HPSE2: variants seen among roughly 807,000 people sequenced by gnomAD.
HPSE2 encodes inactive heparanase-2.
In HPSE2, 38 loss-of-function variants were observed where a neutral mutation model predicts 60.5. The ratio of observed to expected loss-of-function variants is 0.63; its 90% CI spans 0.48 to 0.82. The LOEUF is 0.82. Among genes scored for constraint, HPSE2 ranks in the 40% least tolerant of loss-of-function variants. The pLI is 0.00. For missense variants in HPSE2, 713 were observed against 740.4 expected (o/e 0.96, Z 0.43); for synonymous variants, 295 against 293.2 (o/e 1.01, Z -0.06).
the HPSE2 span, among the ~76,000 whole-genome samples, chr10:99,242,063 A>T: frequency 6.6e-6 from 1 of 152,178 alleles, no homozygotes; most frequent in Admixed American, 6.5e-5. Flanking sequence ...TTGATTTTCT[A>T]CTAGGAAAGG....
chr10:98,725,650 A>G (rs986695434), intron 4 of HPSE2, among the ~76,000 whole-genome samples: 6 of 152,306 alleles, frequency 3.9e-5, no homozygotes, highest in Non-Finnish European at 7.3e-5. Flanking sequence ...GGATCTAATT[A>G]AACTAAAGAG....
intron 8 of HPSE2, among the ~76,000 whole-genome samples, chr10:98,619,784 C>T (rs1946022183): frequency 6.6e-6 from 1 of 152,218 alleles, no homozygotes; most frequent in African/African-American, 2.4e-5. Flanking sequence ...CACTCAAATG[C>T]CACTTCCTCC....
At chr10:98,899,470 G>A (rs1232321783) in intron 3 of HPSE2, among the ~76,000 whole-genome samples, 1 of 151,938 alleles carries the variant, frequency 6.6e-6, no homozygotes, top group Non-Finnish European at 1.5e-5. Context: ...TCAATAATAT[G>A]AAAACAAACA....
Position 98,620,679 on chromosome 10 carries a change from C to T in HPSE2, c.1128G>A (p.Lys376=). The stretch of plus-strand genomic sequence containing the variant: ...TGGTCACCACACCTTCAAGCCAAAT[C>T]TTCTTTCCTGGAGTGTATGTATTAA... ...KVVNTYTPGK[K]IWLEGVVTTS... The change falls in exon 8 of 12, where the codon AAG becomes AAA. Residue 376 remains lysine (K), a synonymous_variant. Transcript: ENST00000370552. 1 of 1,614,012 alleles carries T rather than the reference C, an allele frequency of 6.2e-7. No homozygotes were observed. Among genetic ancestry groups the T allele is most frequent in the Non-Finnish European group, 8.5e-7 (1 of 1,179,900 alleles).
At position 98,553,873 on chromosome 10, in the gene HPSE2, T is replaced by TGGAC. The variant is rs140595032; in HGVS notation, c.1320+61027_1320+61030dup. Among the ~76,000 whole-genome samples, 258 of 152,328 alleles carry TGGAC rather than the reference T, an allele frequency of 1.7e-3. 1 individual carries two copies. Among genetic ancestry groups the TGGAC allele is most frequent in the African/African-American group, 6.0e-3 (251 of 41,570 alleles). On this transcript the variant is annotated intron_variant, in intron 9 of 11. Transcript: ENST00000370552. ...CTCAGTGGAATTTCTCATCTTCAGG[T>TGGAC]GGACAGCCACATGTGTCTGTGTCCA...
chr10:99,014,748 C>A (rs1957097571), intron 3 of HPSE2, among the ~76,000 whole-genome samples: 1 of 152,098 alleles, frequency 6.6e-6, no homozygotes, highest in Admixed American at 6.6e-5. Flanking sequence ...TGTATGTCTT[C>A]TTTTAAACAT....
chr10:99,051,373 C>T (rs1957988180), intron 3 of HPSE2, among the ~76,000 whole-genome samples: 1 of 151,968 alleles, frequency 6.6e-6, no homozygotes, highest in Non-Finnish European at 1.5e-5. Flanking sequence ...TGATTTAGCA[C>T]ATAAACAAAA....
intron 3 of HPSE2, among the ~76,000 whole-genome samples, chr10:99,095,492 T>C (rs1843689899): frequency 6.6e-6 from 1 of 152,158 alleles, no homozygotes; most frequent in African/African-American, 2.4e-5. Context: ...CATCACCACA[T>C]TCAATTTTAG....
chr10:98,858,559 T>C (rs1003921068), intron 3 of HPSE2, among the ~76,000 whole-genome samples: 8 of 152,196 alleles, frequency 5.3e-5, no homozygotes, highest in African/African-American at 1.7e-4. Context: ...TGGGCCTGTA[T>C]ATGAGGCTAA....
intron 3 of HPSE2, among the ~76,000 whole-genome samples, chr10:99,042,933 C>T (rs552255870): frequency 1.3e-5 from 2 of 152,242 alleles, no homozygotes; most frequent in East Asian, 1.9e-4. Flanking sequence ...CCAAACAACA[C>T]CACCAAAAAT....
chr10:98,527,482 C>T (rs994518864), intron 9 of HPSE2, among the ~76,000 whole-genome samples: 4 of 152,150 alleles, frequency 2.6e-5, no homozygotes, highest in South Asian at 4.1e-4. Flanking sequence ...AAGGCCCCTG[C>T]GCAAGACGGT....
chr10:99,178,548 C>T (rs1363130017), intron 2 of HPSE2, among the ~76,000 whole-genome samples: 1 of 152,110 alleles, frequency 6.6e-6, no homozygotes. Flanking sequence ...TGGACACATA[C>T]ACCCTCCAAA....
At chr10:98,738,376 G>A (rs994719138) in intron 4 of HPSE2, among the ~76,000 whole-genome samples, 2 of 152,148 alleles carry the variant, frequency 1.3e-5, no homozygotes, top group Non-Finnish European at 2.9e-5. Flanking sequence ...AAAAACCCTA[G>A]AAGAAAACCT....
intron 2 of HPSE2, among the ~76,000 whole-genome samples, chr10:99,197,031 T>C (rs1042769456): frequency 3.9e-5 from 6 of 152,212 alleles, no homozygotes; most frequent in African/African-American, 1.4e-4. Context: ...AATGGAGTAC[T>C]ATTCAGCCAT....
chr10:98,728,839 G>GAAAAAT (rs1381998633), intron 4 of HPSE2, among the ~76,000 whole-genome samples: 14 of 151,646 alleles, frequency 9.2e-5, no homozygotes, highest in Non-Finnish European at 1.8e-4. Flanking sequence ...GAAACCCCAT[G>GAAAAAT]TCTACGAAAA....
chr10:99,260,038 G>A, the HPSE2 span, among the ~76,000 whole-genome samples: 1 of 152,120 alleles, frequency 6.6e-6, no homozygotes, highest in Non-Finnish European at 1.5e-5. Flanking sequence ...GCTGCTCTAG[G>A]AATTGCTTAT....
chr10:98,890,754 T>A (rs979425101), intron 3 of HPSE2, among the ~76,000 whole-genome samples: 7 of 152,198 alleles, frequency 4.6e-5, no homozygotes, highest in Non-Finnish European at 8.8e-5. Context: ...GCCCAGGGCA[T>A]CCTACTAGCT....
At chr10:99,059,795 A>G (rs1958193769) in intron 3 of HPSE2, among the ~76,000 whole-genome samples, 2 of 152,196 alleles carry the variant, frequency 1.3e-5, no homozygotes, top group East Asian at 3.8e-4. Context: ...ACATAGATAA[A>G]GATACCAGGA....
the HPSE2 span, among the ~76,000 whole-genome samples, chr10:99,252,071 T>A: frequency 2.0e-5 from 3 of 151,850 alleles, no homozygotes; most frequent in Non-Finnish European, 2.9e-5. Flanking sequence ...AAAAAACATA[T>A]GATCATCTCA....
Sources: allele counts gnomAD v4.1 joint callset (sites outside exome capture counted in the v4.1 genomes callset), GRCh38; gene constraint gnomAD v4.1.1; transcripts MANE v1.5; gene names NCBI Gene and HGNC (gene_info 2026-07-23, HGNC 2026-07-21).